Variants in EPB41L4B observed in about 807,000 individuals in gnomAD.
EPB41L4B encodes band 4.1-like protein 4B.
In EPB41L4B, 30 loss-of-function variants were observed where a neutral mutation model predicts 112.5. That is an observed-to-expected ratio of 0.27 (90% CI 0.20 to 0.36). The LOEUF (loss-of-function observed/expected upper bound fraction) is 0.36. Ranked by LOEUF, EPB41L4B falls within the 10% of genes least tolerant of loss-of-function variation. The pLI is 1.00. For missense variants in EPB41L4B, 1,024 were observed against 1,133.3 expected (o/e 0.90, Z 1.38); for synonymous variants, 408 against 439.7 (o/e 0.93, Z 0.90).
intron 15 of EPB41L4B, among the ~76,000 whole-genome samples, chr9:109,227,076 C>T (rs1255103512): frequency 6.6e-6 from 1 of 151,856 alleles, no homozygotes; most frequent in Non-Finnish European, 1.5e-5. Flanking sequence ...TGGTCTTAAG[C>T]GGTCCTCCCA....
intron 1 of EPB41L4B, among the ~76,000 whole-genome samples, chr9:109,314,645 C>A (rs1355962651): frequency 6.6e-6 from 1 of 151,672 alleles, no homozygotes; most frequent in East Asian, 1.9e-4. Flanking sequence ...CCCCCCCCCA[C>A]CTCAGCCTTT....
chr9:109,183,266 G>A (rs1357001788), intron 23 of EPB41L4B, among the ~76,000 whole-genome samples: 1 of 152,160 alleles, frequency 6.6e-6, no homozygotes, highest in African/African-American at 2.4e-5. Context: ...GGTACAAGGC[G>A]GCTGGGCTAA....
intron 16 of EPB41L4B, 42 bp from the exon 17 acceptor site, chr9:109,213,860 G>C (rs1337166118): frequency 1.3e-6 from 2 of 1,571,174 alleles, no homozygotes; most frequent in Non-Finnish European, 8.8e-7. Flanking sequence ...AAGGTTGAAA[G>C]GACAGATAGA....
intron 1 of EPB41L4B, among the ~76,000 whole-genome samples, chr9:109,288,970 G>C (rs1329864454): frequency 6.6e-6 from 1 of 152,024 alleles, no homozygotes; most frequent in East Asian, 1.9e-4. Flanking sequence ...CCCAATCTAA[G>C]GTATTTAGTC....
intron 15 of EPB41L4B, 47 bp downstream of exon 15, chr9:109,243,571 G>A: frequency 6.3e-7 from 1 of 1,586,740 alleles, no homozygotes; most frequent in African/African-American, 1.3e-5. Context: ...CTTTTCTAGA[G>A]AAAGGAAAGC....
intron 1 of EPB41L4B, among the ~76,000 whole-genome samples, chr9:109,297,650 G>A (rs74751740): frequency 0.024 from 3,656 of 152,326 alleles, 71 homozygotes; most frequent in Non-Finnish European, 0.033. Context: ...CATCCCTGCG[G>A]CAATCAGAGG....
At chr9:109,305,409 A>T (rs1193119377) in intron 1 of EPB41L4B, among the ~76,000 whole-genome samples, 2 of 152,166 alleles carry the variant, frequency 1.3e-5, no homozygotes, top group Admixed American at 6.5e-5. Flanking sequence ...ACTTGTGGTC[A>T]GGAGTTCAAG....
At chr9:109,274,516 G>T (rs1835741303) in intron 2 of EPB41L4B, among the ~76,000 whole-genome samples, 1 of 152,174 alleles carries the variant, frequency 6.6e-6, no homozygotes, top group South Asian at 2.1e-4. Flanking sequence ...GGGATTACTT[G>T]TCTATGTCTC....
At chr9:109,226,784 A>AATATATATATGAAT (rs1833795773) in intron 15 of EPB41L4B, among the ~76,000 whole-genome samples, 1 of 146,388 alleles carries the variant, frequency 6.8e-6, no homozygotes, top group Admixed American at 6.9e-5. Context: ...ATATATGAAG[A>AATATATATATGAAT]ATATATATGA....
Position 109,182,867 on chromosome 9 carries a change from G to A in EPB41L4B, c.2419-70C>T, listed in dbSNP as rs570879269. 647 of 1,148,914 alleles carry A rather than the reference G, an allele frequency of 5.6e-4. 1 individual carries two copies. The highest frequency in any genetic ancestry group is 7.9e-4 in the Non-Finnish European group (598 of 760,382). 71.2% of individuals were successfully genotyped at this position (1,148,914 alleles called of 1,614,324 possible). Reference sequence around the variant, plus strand: ...ACAAAGTTTTGCAATCTTTGGCAGCGCACCTTTAAAATGGAACCAAAGGAT... The same window carrying A: ...ACAAAGTTTTGCAATCTTTGGCAGCACACCTTTAAAATGGAACCAAAGGAT... On this transcript the variant is annotated intron_variant, in intron 23 of 25. Transcript: ENST00000374566.
chr9:109,234,942 G>T (rs80118012), intron 15 of EPB41L4B, among the ~76,000 whole-genome samples: 1 of 152,104 alleles, frequency 6.6e-6, no homozygotes, highest in African/African-American at 2.4e-5. Context: ...TCAGTCTCCT[G>T]ATAGTTAAAA....
chr9:109,254,985 G>A (rs762256547), intron 11 of EPB41L4B, among the ~76,000 whole-genome samples: 11 of 152,354 alleles, frequency 7.2e-5, no homozygotes, highest in Non-Finnish European at 1.5e-4. Flanking sequence ...TACTGGCTGT[G>A]TGTGATTTTA....
At chr9:109,289,392 G>T (rs1836439466) in intron 1 of EPB41L4B, among the ~76,000 whole-genome samples, 1 of 152,094 alleles carries the variant, frequency 6.6e-6, no homozygotes. Context: ...CAGTTTCCAG[G>T]GCCAATTTCA....
At chr9:109,252,432 G>T (rs1834823790) in intron 12 of EPB41L4B, among the ~76,000 whole-genome samples, 1 of 152,100 alleles carries the variant, frequency 6.6e-6, no homozygotes, top group South Asian at 2.1e-4. Context: ...CCATCCCCTG[G>T]CCTCTCTCGA....
intron 1 of EPB41L4B, among the ~76,000 whole-genome samples, chr9:109,286,031 G>T (rs1302903481): frequency 5.3e-5 from 8 of 152,078 alleles, no homozygotes; most frequent in Non-Finnish European, 1.2e-4. Context: ...CCTGAGGACA[G>T]GGACCAGCTG....
intron 13 of EPB41L4B, among the ~76,000 whole-genome samples, chr9:109,248,271 C>G (rs1021790319): frequency 1.4e-4 from 22 of 152,146 alleles, no homozygotes; most frequent in Non-Finnish European, 2.6e-4. Context: ...TGTGGGTCCC[C>G]TTGCTATTAA....
At chr9:109,184,177 A>G (rs1410998442) in intron 23 of EPB41L4B, among the ~76,000 whole-genome samples, 2 of 152,250 alleles carry the variant, frequency 1.3e-5, no homozygotes, top group Admixed American at 6.5e-5. Context: ...AGTAACAGAC[A>G]GATAAGACTC....
At chr9:109,272,907 G>A (rs1835676848) in intron 2 of EPB41L4B, among the ~76,000 whole-genome samples, 1 of 152,162 alleles carries the variant, frequency 6.6e-6, no homozygotes, top group Admixed American at 6.5e-5. Context: ...TGGGGTGTGG[G>A]AGGTGCAGCC....
chr9:109,228,260 C>A (rs1833848845), intron 15 of EPB41L4B, among the ~76,000 whole-genome samples: 1 of 152,226 alleles, frequency 6.6e-6, no homozygotes. Flanking sequence ...CTCAGCAAAT[C>A]TGTGCTGTTC....
Sources: allele counts gnomAD v4.1 joint callset (sites outside exome capture counted in the v4.1 genomes callset), GRCh38; gene constraint gnomAD v4.1.1; transcripts MANE v1.5; gene names NCBI Gene and HGNC (gene_info 2026-07-23, HGNC 2026-07-21).